UEVLD: variants seen among roughly 807,000 people sequenced by gnomAD.
The protein encoded by UEVLD is UEV and lactate/malate dehyrogenase domains.
In UEVLD, 47 loss-of-function variants were observed where a neutral mutation model predicts 58.6. The ratio of observed to expected loss-of-function variants is 0.80; its 90% CI spans 0.63 to 1.02. The LOEUF is 1.02. Ranked by LOEUF, UEVLD falls within the 50% of genes least tolerant of loss-of-function variation. The pLI is 0.00. For synonymous variants in UEVLD, 197 were observed against 195.3 expected (o/e 1.01, Z -0.07); for missense variants, 510 against 550.6 (o/e 0.93, Z 0.74).
chr11:18,560,079 A>C (rs1250961483), intron 6 of UEVLD, among the ~76,000 whole-genome samples: 2 of 145,122 alleles, frequency 1.4e-5, no homozygotes, highest in Non-Finnish European at 3.1e-5. Flanking sequence ...AACATGGCAA[A>C]ACCCCGTCTC....
intron 9 of UEVLD, chr11:18,536,870 G>A: frequency 5.7e-6 from 1 of 175,652 alleles, no homozygotes; most frequent in Non-Finnish European, 1.1e-5. Context: ...TTCCACAGCT[G>A]TTACAGAGGC....
At chr11:18,557,034 G>A (rs929445478) in intron 7 of UEVLD, among the ~76,000 whole-genome samples, 7 of 149,354 alleles carry the variant, frequency 4.7e-5, no homozygotes, top group African/African-American at 1.7e-4. Flanking sequence ...GGAGGTTCCA[G>A]TGAGCTGAAT....
rs749360189 is a variant in UEVLD at position 18,544,740 on chromosome 11, T to G, written c.943A>C (p.Ile315Leu). The G allele has an allele frequency of 6.4e-7, 1 of 1,571,766 alleles. No homozygotes were observed. Among genetic ancestry groups the G allele is most frequent in the South Asian group, 1.2e-5 (1 of 83,514 alleles). ...GAATCCAGATTACATCCAATTCCGA[T>G]CACTCGATTTGCAGGAAATGTACTC... ...KLSTFPANRV[I>L]GIGCNLDSQR... Residue 315 changes from isoleucine (I) to leucine (L), a missense_variant, in exon 9 of 12, where the codon ATC becomes CTC. Coordinates refer to ENST00000396197, the MANE Select transcript of UEVLD (RefSeq NM_001040697.4).
intron 3 of UEVLD, among the ~76,000 whole-genome samples, chr11:18,574,791 T>C (rs527410704): frequency 2.6e-5 from 4 of 152,324 alleles, no homozygotes; most frequent in African/African-American, 9.6e-5. Context: ...TATGTGATCT[T>C]AGGTAAATCA....
intron 3 of UEVLD, chr11:18,570,663 T>C: frequency 5.4e-6 from 1 of 185,598 alleles, no homozygotes; most frequent in Non-Finnish European, 1.1e-5. Flanking sequence ...GGCAGATGAC[T>C]TGAGCCTGGC....
At chr11:18,544,893 T>C (rs1013742912) in intron 8 of UEVLD, 97 bp from the exon 9 acceptor site, 33 of 829,490 alleles carry the variant, frequency 4.0e-5, no homozygotes, top group Non-Finnish European at 5.3e-5. Context: ...GTATATTAGG[T>C]CCTCAATGCA....
intron 1 of UEVLD, among the ~76,000 whole-genome samples, chr11:18,581,860 T>C (rs762210212): frequency 4.6e-5 from 7 of 152,106 alleles, no homozygotes; most frequent in Non-Finnish European, 8.8e-5. Flanking sequence ...GTTTTTTGGA[T>C]AGGAGTTAGC....
At chr11:18,550,837 T>C (rs948768910) in intron 7 of UEVLD, among the ~76,000 whole-genome samples, 35 of 152,244 alleles carry the variant, frequency 2.3e-4, no homozygotes, top group African/African-American at 6.0e-4. Flanking sequence ...TGCCTAAGCC[T>C]AACCTGGGAA....
chr11:18,582,778 G>A (rs1454522896), intron 1 of UEVLD, among the ~76,000 whole-genome samples: 1 of 152,116 alleles, frequency 6.6e-6, no homozygotes, highest in East Asian at 1.9e-4. Context: ...AAGGGTACAG[G>A]TACTTCACTA....
Position 18,574,379 on chromosome 11 carries a change from C to G in UEVLD, c.193+968G>C, listed in dbSNP as rs573224724. On this transcript the variant is annotated intron_variant, in intron 3 of 11. Transcript: ENST00000396197. ...TCTTGAACTCCTGACCTCAAGTGAT[C>G]TGCCCACCTAGGCCTCCCAAAGTGC... Among the ~76,000 whole-genome samples, 117 of 152,312 alleles carry G rather than the reference C, an allele frequency of 7.7e-4. 4 individuals are homozygous for G. In the South Asian group the frequency reaches 0.024, roughly 31 times the overall value.
chr11:18,574,872 G>T (rs1852819010), intron 3 of UEVLD, among the ~76,000 whole-genome samples: 1 of 152,132 alleles, frequency 6.6e-6, no homozygotes. Context: ...GAAAGGAGGG[G>T]AACAAAATAT....
chr11:18,557,558 T>C, intron 7 of UEVLD, among the ~76,000 whole-genome samples: 1 of 145,492 alleles, frequency 6.9e-6, no homozygotes, highest in Non-Finnish European at 1.5e-5. Context: ...TTTTTTTCTT[T>C]TTTTTTTTTT....
intron 1 of UEVLD, among the ~76,000 whole-genome samples, chr11:18,582,875 A>T (rs2134072974): frequency 6.6e-6 from 1 of 152,302 alleles, no homozygotes; most frequent in African/African-American, 2.4e-5. Flanking sequence ...AGTTTAATAA[A>T]ATTTTAAATT....
At chr11:18,540,143 C>A (rs1850992433) in intron 9 of UEVLD, among the ~76,000 whole-genome samples, 1 of 152,182 alleles carries the variant, frequency 6.6e-6, no homozygotes, top group Non-Finnish European at 1.5e-5. Context: ...AAGAGCACAG[C>A]TTCAGAGTCA....
chr11:18,578,666 G>T, intron 2 of UEVLD, 58 bp downstream of exon 2: 1 of 1,331,668 alleles, frequency 7.5e-7, no homozygotes, highest in Non-Finnish European at 1.1e-6. Flanking sequence ...AGCTCTTTAG[G>T]ACCAAAAATT....
At chr11:18,555,361 G>A (rs7108487) in intron 7 of UEVLD, among the ~76,000 whole-genome samples, 27,108 of 151,656 alleles carry the variant, frequency 0.18, 2,834 homozygotes, top group East Asian at 0.41. Flanking sequence ...GGGAGGTGGA[G>A]CTTGCAGTGA....
intron 1 of UEVLD, among the ~76,000 whole-genome samples, chr11:18,579,102 C>T (rs1245135138): frequency 1.3e-5 from 2 of 151,836 alleles, no homozygotes; most frequent in Admixed American, 6.6e-5. Context: ...CTCCTGACCT[C>T]GTGATCTGCC....
chr11:18,577,055 C>T (rs775052555), intron 2 of UEVLD, among the ~76,000 whole-genome samples: 9 of 152,020 alleles, frequency 5.9e-5, no homozygotes, highest in African/African-American at 1.7e-4. Context: ...TGGTGGCATG[C>T]GCCTGTAGTT....
intron 1 of UEVLD, among the ~76,000 whole-genome samples, chr11:18,587,391 A>T (rs759502018): frequency 1.1e-4 from 17 of 152,326 alleles, no homozygotes; most frequent in Middle Eastern, 3.4e-3. Context: ...AACAATTTCA[A>T]TCTTAGGACT....
Sources: allele counts gnomAD v4.1 joint callset (sites outside exome capture counted in the v4.1 genomes callset), GRCh38; gene constraint gnomAD v4.1.1; transcripts MANE v1.5; gene names NCBI Gene and HGNC (gene_info 2026-07-23, HGNC 2026-07-21).